Variants in CNTLN observed in about 807,000 individuals in gnomAD.
CNTLN encodes centlein.
A neutral mutation model predicts 180.0 loss-of-function variants in CNTLN; 212 were observed. The observed-to-expected ratio is 1.18, with a 90% CI of 1.05 to 1.32. CNTLN has a LOEUF of 1.32. Ranked by LOEUF, CNTLN falls within the 40% of genes most tolerant of loss-of-function variation. The pLI, the probability that CNTLN is intolerant of heterozygous loss-of-function variation, is 0.00. For missense variants in CNTLN, 2,095 were observed against 1,610.9 expected (o/e 1.30, Z -5.14); for synonymous variants, 722 against 563.1 (o/e 1.28, Z -3.99).
intron 25 of CNTLN, among the ~76,000 whole-genome samples, chr9:17,492,085 C>G (rs901730945): frequency 1.1e-4 from 17 of 152,058 alleles, no homozygotes; most frequent in Non-Finnish European, 2.9e-5. Flanking sequence ...TTAATCCTCA[C>G]ATTTAGATGA....
At chr9:17,178,220 A>T (rs1820857179) in intron 2 of CNTLN, among the ~76,000 whole-genome samples, 1 of 152,204 alleles carries the variant, frequency 6.6e-6, no homozygotes, top group Non-Finnish European at 1.5e-5. Flanking sequence ...AGCTAGACAC[A>T]GGGTGCTGAT....
chr9:17,314,628 G>A (rs1819423257), intron 8 of CNTLN, among the ~76,000 whole-genome samples: 1 of 152,108 alleles, frequency 6.6e-6, no homozygotes. Flanking sequence ...AGTTTCTGTT[G>A]GAATTTTAGT....
chr9:17,237,594 T>A (rs900481817), intron 5 of CNTLN, among the ~76,000 whole-genome samples: 3 of 152,068 alleles, frequency 2.0e-5, no homozygotes, highest in African/African-American at 7.2e-5. Flanking sequence ...CCAGACATGA[T>A]TTAAAGTATA....
the CNTLN span, among the ~76,000 whole-genome samples, chr9:17,524,326 C>T: frequency 1.3e-5 from 2 of 152,126 alleles, no homozygotes; most frequent in African/African-American, 2.4e-5. Context: ...GTCTAAAAGC[C>T]TATATTTCAG....
Position 17,458,230 on chromosome 9 carries a change from A to C in CNTLN, c.3306+515A>C, listed in dbSNP as rs114787510. 1.4e-3 allele frequency among the ~76,000 whole-genome samples: 210 copies of C among 151,928 alleles called. 1 individual carries two copies. The highest frequency in any genetic ancestry group is 4.6e-3 in the African/African-American group (192 of 41,522). On this transcript the variant is annotated intron_variant, in intron 19 of 25. Transcript: ENST00000380647. Reference sequence around the variant, plus strand: ...AAGCAATGAGAGGAGAGAAAAAAAAAAAAAGAATCTAAGACCAAGCGAAAC... The same window carrying C: ...AAGCAATGAGAGGAGAGAAAAAAAACAAAAGAATCTAAGACCAAGCGAAAC...
rs537687394 is a variant in CNTLN, at chr9:17,385,208, T to G, written c.1988-2954T>G. 2.0e-5 allele frequency among the ~76,000 whole-genome samples: 3 copies of G among 152,360 alleles called. No individual in the cohort carries two copies. The South Asian group carries it at 6.2e-4, about 32-fold the overall frequency. On this transcript the variant is annotated intron_variant, in intron 13 of 25. Transcript: ENST00000380647. ...TTGTGTCCTTTCTGAGCATGCCACC[T>G]TCAGCACCTCAATGTGTTCACCAAC...
chr9:17,480,626 T>G (rs1286813863), intron 23 of CNTLN, among the ~76,000 whole-genome samples: 2 of 152,160 alleles, frequency 1.3e-5, no homozygotes, highest in African/African-American at 4.8e-5. Context: ...AGCCACAAAA[T>G]TTAACAAATT....
chr9:17,375,935 T>C (rs1220866163), intron 13 of CNTLN, among the ~76,000 whole-genome samples: 1 of 152,232 alleles, frequency 6.6e-6, no homozygotes, highest in African/African-American at 2.4e-5. Flanking sequence ...TTTTGTTGTT[T>C]AACCTGCTAC....
At chr9:17,412,487 G>T (rs1056866758) in intron 16 of CNTLN, among the ~76,000 whole-genome samples, 6 of 152,154 alleles carry the variant, frequency 3.9e-5, no homozygotes, top group African/African-American at 1.4e-4. Flanking sequence ...CTTTATGTTG[G>T]TGTGAAATTG....
intron 10 of CNTLN, among the ~76,000 whole-genome samples, chr9:17,339,698 A>C (rs1821325032): frequency 6.6e-6 from 1 of 152,228 alleles, no homozygotes; most frequent in African/African-American, 2.4e-5. Flanking sequence ...AATATTTGAA[A>C]TTCTCATGAG....
intron 5 of CNTLN, among the ~76,000 whole-genome samples, chr9:17,241,128 G>A (rs1327206685): frequency 1.3e-5 from 2 of 152,152 alleles, no homozygotes; most frequent in Non-Finnish European, 2.9e-5. Flanking sequence ...AAAGTGCTGG[G>A]ATTACAGGCG....
intron 6 of CNTLN, among the ~76,000 whole-genome samples, chr9:17,284,343 G>C (rs1828846800): frequency 6.6e-6 from 1 of 152,128 alleles, no homozygotes; most frequent in South Asian, 2.1e-4. Flanking sequence ...AATGGTACTA[G>C]CTCCTGTTTG....
At chr9:17,365,817 A>G (rs920389834) in intron 12 of CNTLN, among the ~76,000 whole-genome samples, 2 of 152,034 alleles carry the variant, frequency 1.3e-5, no homozygotes, top group Non-Finnish European at 2.9e-5. Flanking sequence ...ATGGTGGCAC[A>G]CACCTGTAGT....
At chr9:17,142,756 G>C (rs1015357596) in intron 1 of CNTLN, among the ~76,000 whole-genome samples, 3 of 152,086 alleles carry the variant, frequency 2.0e-5, no homozygotes, top group Non-Finnish European at 4.4e-5. Flanking sequence ...TTTTTTAAAA[G>C]CTCCTCAAAA....
chr9:17,144,092 A>G (rs2131445560), intron 2 of CNTLN, among the ~76,000 whole-genome samples: 1 of 152,332 alleles, frequency 6.6e-6, no homozygotes, highest in South Asian at 2.1e-4. Context: ...AATTGGAATC[A>G]TGATCCTAAA....
rs150732752 is a variant in CNTLN at position 17,255,072 on chromosome 9, G to A, written c.849+18484G>A. Among the ~76,000 whole-genome samples the A allele has an allele frequency of 4.7e-3, 711 of 151,602 alleles. 7 individuals carry two copies. Among genetic ancestry groups the A allele is most frequent in the African/African-American group, 0.016 (662 of 41,430 alleles). ...ATTGTTTTCTTAATTTCCTTTTCTG[G>A]TTATTCATTGTTAGTGTATAGAATC... On this transcript the variant is annotated intron_variant, in intron 5 of 25. Transcript: ENST00000380647.
chr9:17,424,240 T>A (rs1453489206), intron 18 of CNTLN, among the ~76,000 whole-genome samples: 11 of 152,184 alleles, frequency 7.2e-5, no homozygotes, highest in Admixed American at 7.2e-4. Context: ...AAAGTGAACA[T>A]CAAGGGATAG....
At chr9:17,445,404 T>A (rs1028636443) in intron 18 of CNTLN, among the ~76,000 whole-genome samples, 6 of 151,568 alleles carry the variant, frequency 4.0e-5, no homozygotes, top group African/African-American at 1.5e-4. Context: ...AGTGTCTGTG[T>A]AGAAAGAAGT....
intron 18 of CNTLN, among the ~76,000 whole-genome samples, chr9:17,422,850 C>T (rs1193872400): frequency 6.6e-6 from 1 of 152,116 alleles, no homozygotes; most frequent in African/African-American, 2.4e-5. Flanking sequence ...TGTGCTCATC[C>T]TTCTTGTGAA....
Sources: allele counts gnomAD v4.1 joint callset (sites outside exome capture counted in the v4.1 genomes callset), GRCh38; gene constraint gnomAD v4.1.1; transcripts MANE v1.5; gene names NCBI Gene and HGNC (gene_info 2026-07-23, HGNC 2026-07-21).